The following NARS2 variants were observed in gnomAD, a reference collection of about 807,000 sequenced individuals.
NARS2 encodes asparaginyl-tRNA synthetase.
A neutral mutation model predicts 62.9 loss-of-function variants in NARS2; 60 were observed. The observed-to-expected ratio is 0.95, with a 90% CI of 0.77 to 1.18. The LOEUF (loss-of-function observed/expected upper bound fraction) is 1.18. NARS2 is among the 50% of genes most tolerant of loss of function. The pLI is 0.00. For missense variants in NARS2, 619 were observed against 576.4 expected (o/e 1.07, Z -0.76); for synonymous variants, 196 against 200.0 (o/e 0.98, Z 0.17).
At chr11:78,494,657 T>G (rs7113559) in intron 6 of NARS2, among the ~76,000 whole-genome samples, 101,314 of 151,814 alleles carry the variant, frequency 0.67, 36,235 homozygotes, top group Non-Finnish European at 0.81. Context: ...CTGAGAACCT[T>G]AGTTTTTATT....
intron 13 of NARS2, among the ~76,000 whole-genome samples, chr11:78,440,529 T>A (rs1857544423): frequency 6.6e-6 from 1 of 151,228 alleles, no homozygotes; most frequent in Non-Finnish European, 1.5e-5. Context: ...TTACATGACA[T>A]AATATAATTT....
chr11:78,443,248 C>G lies in NARS2; in HGVS notation c.1262+413G>C. Among the ~76,000 whole-genome samples the G allele has an allele frequency of 1.3e-5, 2 of 151,214 alleles. 1 individual carries two copies. The highest frequency in any genetic ancestry group is 3.0e-5 in the Non-Finnish European group (2 of 67,792). ...GGCTGAGGCAGGAGAATGGCGTGAA[C>G]CCCGGGAGGCAGAGCTTGCAGTGAG... is the stretch of plus-strand genomic sequence containing the variant. On this transcript the variant is annotated intron_variant, in intron 12 of 13. Coordinates refer to ENST00000281038, the MANE Select transcript of NARS2 (RefSeq NM_024678.6).
chr11:78,482,254 G>C (rs1420544970), intron 7 of NARS2, among the ~76,000 whole-genome samples: 1 of 152,170 alleles, frequency 6.6e-6, no homozygotes, highest in Non-Finnish European at 1.5e-5. Context: ...GCAGTGTTAA[G>C]AGGGAAGTTT....
chr11:78,446,355 A>G (rs7950865), intron 11 of NARS2, among the ~76,000 whole-genome samples: 54,306 of 152,078 alleles, frequency 0.36, 13,097 homozygotes, highest in African/African-American at 0.68. Flanking sequence ...CAGAGTGAGC[A>G]AGAACAGCTA....
rs2135555496 is a variant in NARS2 at position 78,574,586 on chromosome 11, G to A, written c.-98C>T. The A allele has an allele frequency of 1.4e-6, 2 of 1,383,458 alleles. No homozygotes were observed. Among genetic ancestry groups the A allele is most frequent in the Non-Finnish European group, 1.9e-6 (2 of 1,040,244 alleles). The allele number at this position is 1,383,458 out of a possible 1,614,324, so 85.7% of individuals were successfully genotyped here. On this transcript the variant is annotated 5_prime_UTR_variant, in exon 1 of 14. Coordinates refer to ENST00000281038, the MANE Select transcript of NARS2 (RefSeq NM_024678.6). ...CTTTCTCAGCTGCTCCCCTTCCGCG[G>A]CCGCAGCTCTGCTCTAAGGCACTCC... is the stretch of plus-strand genomic sequence containing the variant.
chr11:78,536,373 C>T (rs995971880), intron 5 of NARS2, among the ~76,000 whole-genome samples: 15 of 152,126 alleles, frequency 9.9e-5, no homozygotes, highest in Non-Finnish European at 1.2e-4. Flanking sequence ...AAGGCATTGC[C>T]ATCATAGGAG....
chr11:78,449,937 A>G (rs1011857438), intron 11 of NARS2, among the ~76,000 whole-genome samples: 1 of 152,226 alleles, frequency 6.6e-6, no homozygotes, highest in African/African-American at 2.4e-5. Context: ...TCTAAAACTG[A>G]TAGAATAATC....
intron 10 of NARS2, among the ~76,000 whole-genome samples, chr11:78,468,440 G>A (rs1408170757): frequency 2.9e-5 from 4 of 140,114 alleles, no homozygotes; most frequent in Admixed American, 7.4e-5. Flanking sequence ...ATGGAGTCTC[G>A]CTGTTGCCGA....
intron 11 of NARS2, among the ~76,000 whole-genome samples, chr11:78,452,893 A>G (rs118092326): frequency 6.6e-6 from 1 of 152,312 alleles, no homozygotes; most frequent in Non-Finnish European, 1.5e-5. Context: ...ATATAATTCA[A>G]AGAGAAAGGA....
chr11:78,494,096 C>T (rs1267445909), intron 6 of NARS2, among the ~76,000 whole-genome samples: 1 of 152,210 alleles, frequency 6.6e-6, no homozygotes, highest in Non-Finnish European at 1.5e-5. Flanking sequence ...TTTTGAGGAA[C>T]TACTTTATTC....
At chr11:78,569,401 T>C (rs1339721910) in intron 2 of NARS2, among the ~76,000 whole-genome samples, 1 of 152,200 alleles carries the variant, frequency 6.6e-6, no homozygotes, top group Non-Finnish European at 1.5e-5. Context: ...GCAATCCTCC[T>C]GCCTTGGCCT....
At chr11:78,458,551 CTATGT>C (rs765957543) in intron 11 of NARS2, among the ~76,000 whole-genome samples, 9 of 152,178 alleles carry the variant, frequency 5.9e-5, no homozygotes, top group Non-Finnish European at 1.3e-4. Flanking sequence ...TTCCTTTATG[CTATGT>C]TGCTACCACT....
chr11:78,438,412 A>C lies in NARS2; in HGVS notation c.1290-1598T>G, dbSNP rs936569104. Among the ~76,000 whole-genome samples the C allele has an allele frequency of 2.6e-5, 4 of 152,286 alleles. No homozygotes were observed. The East Asian group carries it at 7.7e-4, about 29-fold the overall frequency. On this transcript the variant is annotated intron_variant, in intron 13 of 13. Transcript: ENST00000281038. Reference sequence around the variant, plus strand: ...AGCGGGAAAGAGTACACTTTGACTCAGTGATGAAATGAACAGCACACCAAA... The same window carrying C: ...AGCGGGAAAGAGTACACTTTGACTCCGTGATGAAATGAACAGCACACCAAA...
intron 6 of NARS2, among the ~76,000 whole-genome samples, chr11:78,514,848 A>G (rs1860845724): frequency 6.6e-6 from 1 of 152,266 alleles, no homozygotes; most frequent in Non-Finnish European, 1.5e-5. Context: ...AATAATGTAT[A>G]ACCTAACTAG....
At chr11:78,488,441 T>C (rs1325892800) in intron 7 of NARS2, among the ~76,000 whole-genome samples, 2 of 152,100 alleles carry the variant, frequency 1.3e-5, no homozygotes, top group South Asian at 2.1e-4. Context: ...AGGCAGTCTC[T>C]AGAAAATGGA....
At chr11:78,470,814 C>A (rs957535643) in intron 9 of NARS2, among the ~76,000 whole-genome samples, 3 of 151,562 alleles carry the variant, frequency 2.0e-5, no homozygotes, top group Non-Finnish European at 2.9e-5. Flanking sequence ...TCAATTTATA[C>A]CCACCAGTAA....
chr11:78,550,384 T>C (rs1052076293), intron 5 of NARS2, among the ~76,000 whole-genome samples: 2 of 152,232 alleles, frequency 1.3e-5, no homozygotes, highest in Admixed American at 1.3e-4. Context: ...TATATTTCCT[T>C]CAGTCATTTT....
chr11:78,467,569 AT>A (rs1414244388), intron 10 of NARS2, among the ~76,000 whole-genome samples: 15 of 146,900 alleles, frequency 1.0e-4, no homozygotes, highest in African/African-American at 3.9e-4. Context: ...AAATAAATAA[AT>A]TAATTAATTA....
intron 7 of NARS2, among the ~76,000 whole-genome samples, chr11:78,482,730 T>G (rs947507741): frequency 3.9e-5 from 6 of 152,144 alleles, no homozygotes; most frequent in Non-Finnish European, 8.8e-5. Context: ...TAACAAGTTC[T>G]GAAGTTGAGA....
Sources: gnomAD v4.1 joint callset for allele counts (sites outside exome capture counted in the v4.1 genomes callset) on GRCh38, gnomAD v4.1.1 for gene constraint, MANE v1.5 for transcripts, NCBI Gene and HGNC (gene_info 2026-07-23, HGNC 2026-07-21) for gene names.